Variants in APBB2 observed in about 807,000 individuals in gnomAD.
APBB2 encodes Fe65-like 1.
Under a neutral mutation model 82.5 loss-of-function variants are expected in APBB2, and 38 were observed. The observed-to-expected ratio is 0.46, with a 90% CI of 0.36 to 0.60. The LOEUF (loss-of-function observed/expected upper bound fraction) is 0.60. Ranked by LOEUF, APBB2 falls within the 20% of genes least tolerant of loss-of-function variation. APBB2 has a pLI of 0.00. For missense variants in APBB2, 772 were observed against 972.3 expected (o/e 0.79, Z 2.74); for synonymous variants, 341 against 368.2 (o/e 0.93, Z 0.85).
At chr4:40,890,331 A>AG in intron 12 of APBB2, 33 bp downstream of exon 12, 1 of 1,600,392 alleles carries the variant, frequency 6.2e-7, no homozygotes, top group East Asian at 2.3e-5. Context: ...GACACGGGTG[A>AG]GGTGACCCAG....
At chr4:40,935,416 T>C in intron 7 of APBB2, 1 of 402,744 alleles carries the variant, frequency 2.5e-6, no homozygotes. Flanking sequence ...TTCCTTAAGG[T>C]AATTTTAAAA....
chr4:40,930,108 A>G (rs1211263913), intron 10 of APBB2, among the ~76,000 whole-genome samples: 1 of 152,180 alleles, frequency 6.6e-6, no homozygotes, highest in Non-Finnish European at 1.5e-5. Flanking sequence ...AGTGGAAAAA[A>G]TGAGAAAATG....
chr4:40,988,539 G>A (rs536149846), intron 6 of APBB2, among the ~76,000 whole-genome samples: 6 of 149,542 alleles, frequency 4.0e-5, no homozygotes, highest in Non-Finnish European at 8.9e-5. Flanking sequence ...TCGGGAGGCT[G>A]AGGCAGGAGA....
intron 5 of APBB2, among the ~76,000 whole-genome samples, chr4:41,018,150 C>T (rs62412121): frequency 0.046 from 6,977 of 152,228 alleles, 344 homozygotes; most frequent in African/African-American, 0.12. Flanking sequence ...TAGGGATTAT[C>T]ATAATCTTAT....
intron 10 of APBB2, among the ~76,000 whole-genome samples, chr4:40,906,484 A>AAAG (rs1560856817): frequency 7.1e-6 from 1 of 141,554 alleles, no homozygotes; most frequent in Non-Finnish European, 1.5e-5. Context: ...AAAAAAAAAA[A>AAAG]AAAAGAAAAG....
chr4:40,926,420 C>G (rs914749644), intron 10 of APBB2, among the ~76,000 whole-genome samples: 2 of 152,188 alleles, frequency 1.3e-5, no homozygotes, highest in Non-Finnish European at 2.9e-5. Context: ...TCCAACAACT[C>G]TGCTACTCCA....
chr4:40,985,612 T>C (rs1800228837), intron 6 of APBB2, among the ~76,000 whole-genome samples: 1 of 152,154 alleles, frequency 6.6e-6, no homozygotes, highest in Admixed American at 6.5e-5. Context: ...CACCGACTAA[T>C]CCACAAACTG....
At chr4:40,966,940 G>A (rs10029914) in intron 6 of APBB2, among the ~76,000 whole-genome samples, 7,921 of 152,274 alleles carry the variant, frequency 0.052, 672 homozygotes, top group African/African-American at 0.18. Flanking sequence ...TAGGGGCTGG[G>A]CTGCCAGTTC....
intron 6 of APBB2, among the ~76,000 whole-genome samples, chr4:40,951,325 C>A (rs1790084350): frequency 6.6e-6 from 1 of 152,050 alleles, no homozygotes; most frequent in African/African-American, 2.4e-5. Context: ...GTTCTGAGAT[C>A]AAAAGTTTCA....
intron 1 of APBB2, among the ~76,000 whole-genome samples, chr4:41,163,776 C>T (rs1765779293): frequency 6.6e-6 from 1 of 152,110 alleles, no homozygotes; most frequent in Non-Finnish European, 1.5e-5. Context: ...GAGTCTGAGG[C>T]AAATGTGTAT....
intron 10 of APBB2, among the ~76,000 whole-genome samples, chr4:40,921,833 G>A (rs906542087): frequency 2.6e-5 from 4 of 152,182 alleles, no homozygotes; most frequent in Non-Finnish European, 2.9e-5. Flanking sequence ...TTCCAGCTTT[G>A]CTAGAGACAA....
At chr4:40,855,962 A>C (rs1761066714) in intron 12 of APBB2, among the ~76,000 whole-genome samples, 1 of 152,220 alleles carries the variant, frequency 6.6e-6, no homozygotes, top group Non-Finnish European at 1.5e-5. Flanking sequence ...AGGACACTTA[A>C]TAATTCCTTT....
At chr4:40,954,445 A>G (rs1460812025) in intron 6 of APBB2, among the ~76,000 whole-genome samples, 2 of 152,160 alleles carry the variant, frequency 1.3e-5, no homozygotes. Flanking sequence ...TCTGTGCCAG[A>G]CACTGGTTTA....
intron 6 of APBB2, among the ~76,000 whole-genome samples, chr4:40,989,016 T>TC (rs1176753629): frequency 1.1e-4 from 16 of 152,118 alleles, no homozygotes; most frequent in African/African-American, 3.6e-4. Context: ...CGCCTTGGTC[T>TC]CCCAAGAGTG....
intron 1 of APBB2, among the ~76,000 whole-genome samples, chr4:41,159,348 C>T (rs1416850357): frequency 6.6e-6 from 1 of 152,110 alleles, no homozygotes; most frequent in Non-Finnish European, 1.5e-5. Flanking sequence ...CTATCTACCT[C>T]AAAAGGGCTA....
intron 3 of APBB2, among the ~76,000 whole-genome samples, chr4:41,097,558 T>C (rs1743936426): frequency 6.6e-6 from 1 of 152,188 alleles, no homozygotes; most frequent in African/African-American, 2.4e-5. Context: ...TATTATTAAG[T>C]GGAAAAAGTT....
At chr4:41,038,337 GACAA>G (rs1414262640) in intron 4 of APBB2, among the ~76,000 whole-genome samples, 9 of 152,128 alleles carry the variant, frequency 5.9e-5, no homozygotes, top group South Asian at 2.1e-4. Context: ...ATAAAAATCA[GACAA>G]ACAATTACAT....
intron 6 of APBB2, among the ~76,000 whole-genome samples, chr4:40,965,693 T>C (rs1444833450): frequency 6.6e-6 from 1 of 152,206 alleles, no homozygotes; most frequent in Non-Finnish European, 1.5e-5. Flanking sequence ...CTATTAAATA[T>C]TTAACATTAG....
At chr4:41,003,724 T>C (rs1805856055) in intron 6 of APBB2, among the ~76,000 whole-genome samples, 2 of 152,196 alleles carry the variant, frequency 1.3e-5, no homozygotes, top group Non-Finnish European at 2.9e-5. Flanking sequence ...TTTTGGATTT[T>C]TCTTTTGAGA....
Sources: allele counts gnomAD v4.1 joint callset (sites outside exome capture counted in the v4.1 genomes callset), GRCh38; gene constraint gnomAD v4.1.1; transcripts MANE v1.5; gene names NCBI Gene and HGNC (gene_info 2026-07-23, HGNC 2026-07-21).